GAS7: variants seen among roughly 807,000 people sequenced by gnomAD.
The protein encoded by GAS7 is growth arrest specific 7, also known as growth arrest-specific protein 7.
GAS7 carries 28 observed loss-of-function variants against 71.1 expected under a neutral mutation model. That is an observed-to-expected ratio of 0.39 (90% CI 0.29 to 0.54). The LOEUF is 0.54. GAS7 is among the 20% of genes least tolerant of loss of function. GAS7 has a pLI of 0.62. For synonymous variants in GAS7, 258 were observed against 245.8 expected (o/e 1.05, Z -0.46); for missense variants, 436 against 627.8 (o/e 0.69, Z 3.27).
chr17:9,922,695 C>T (rs2067862234), intron 11 of GAS7, among the ~76,000 whole-genome samples: 1 of 152,018 alleles, frequency 6.6e-6, no homozygotes, highest in Non-Finnish European at 1.5e-5. Flanking sequence ...GATTAGAAAA[C>T]AACAACAAAG....
chr17:10,056,028 A>G (rs1374246252), intron 1 of GAS7, among the ~76,000 whole-genome samples: 1 of 152,162 alleles, frequency 6.6e-6, no homozygotes, highest in Non-Finnish European at 1.5e-5. Flanking sequence ...TGCAGACTGT[A>G]TATCATTCAC....
At chr17:9,927,491 AC>A (rs930055669) in intron 9 of GAS7, among the ~76,000 whole-genome samples, 5 of 151,534 alleles carry the variant, frequency 3.3e-5, no homozygotes, top group South Asian at 2.1e-4. Flanking sequence ...AAAAAAAAAA[AC>A]AAAACAAACA....
rs559985999 is a variant in GAS7, at chr17:10,189,499, G to A, written c.183+8709C>T. 1.9e-4 allele frequency among the ~76,000 whole-genome samples: 28 copies of A among 149,736 alleles called. 1 individual carries two copies. Among genetic ancestry groups the A allele is most frequent in the African/African-American group, 6.2e-4 (25 of 40,632 alleles). On this transcript the variant is annotated intron_variant, in intron 1 of 13. Transcript: ENST00000432992. ...CTCCCCAGGTTCTATCTCCTTCCCCGGCACACCCCCAACCCCTCTCCCCCT... is the reference window on the plus strand; with the variant it reads ...CTCCCCAGGTTCTATCTCCTTCCCCAGCACACCCCCAACCCCTCTCCCCCT...
chr17:9,977,964 G>C (rs1002323394), intron 3 of GAS7, among the ~76,000 whole-genome samples: 4 of 152,206 alleles, frequency 2.6e-5, no homozygotes, highest in Non-Finnish European at 5.9e-5. Context: ...TGTAACCCCA[G>C]CACTTTGGGA....
intron 1 of GAS7, among the ~76,000 whole-genome samples, chr17:10,038,579 G>T (rs1179890969): frequency 6.6e-6 from 1 of 152,168 alleles, no homozygotes; most frequent in East Asian, 1.9e-4. Flanking sequence ...GTCCTGAAGG[G>T]AGGGTCTTGC....
At chr17:10,064,076 C>T (rs2073251958) in intron 1 of GAS7, among the ~76,000 whole-genome samples, 1 of 152,210 alleles carries the variant, frequency 6.6e-6, no homozygotes, top group Admixed American at 6.5e-5. Flanking sequence ...TTCAAAGATG[C>T]TCCGATAATG....
intron 5 of GAS7, among the ~76,000 whole-genome samples, chr17:9,952,014 G>C (rs549387408): frequency 1.3e-5 from 2 of 152,178 alleles, no homozygotes; most frequent in East Asian, 3.9e-4. Context: ...CATCCTGGCT[G>C]GCTCCAAGCC....
In GAS7 at chr17:10,071,987, T is replaced by C. The variant is rs148852820; in HGVS notation, c.184-52090A>G. Among the ~76,000 whole-genome samples the C allele has an allele frequency of 1.5e-4, 22 of 151,584 alleles. No homozygotes were observed. The East Asian group carries it at 4.3e-3, about 29-fold the overall frequency. ...AAAAAAGAAAAGATTCAGTTGTCTC[T>C]TGAAAAGTCAGGTGGACCATACTGC... On this transcript the variant is annotated intron_variant, in intron 1 of 13. Transcript: ENST00000432992.
At chr17:10,014,695 G>A (rs114279847) in intron 2 of GAS7, among the ~76,000 whole-genome samples, 3,963 of 151,996 alleles carry the variant, frequency 0.026, 171 homozygotes, top group African/African-American at 0.089. Context: ...ATTTCCACAC[G>A]AATACCTGTA....
intron 1 of GAS7, chr17:10,036,766 C>T (rs536298112): frequency 2.5e-6 from 3 of 1,188,002 alleles, no homozygotes; most frequent in Admixed American, 4.4e-5. Context: ...TTCTTTTTTT[C>T]CCACTCTCCC....
chr17:10,125,662 A>G (rs2073940089), intron 1 of GAS7, among the ~76,000 whole-genome samples: 1 of 149,842 alleles, frequency 6.7e-6, no homozygotes, highest in Admixed American at 6.7e-5. Flanking sequence ...ATGAGGAGGG[A>G]GGAGGGCAGG....
intron 1 of GAS7, among the ~76,000 whole-genome samples, chr17:10,186,249 G>T (rs1035030234): frequency 6.6e-6 from 1 of 151,862 alleles, no homozygotes; most frequent in Non-Finnish European, 1.5e-5. Context: ...GAGCTACCGC[G>T]CGTGGCCAGA....
At chr17:10,173,766 T>TC (rs1222702821) in intron 1 of GAS7, among the ~76,000 whole-genome samples, 1 of 145,210 alleles carries the variant, frequency 6.9e-6, no homozygotes, top group Non-Finnish European at 1.5e-5. Flanking sequence ...AGACTCCGTC[T>TC]CAAAAAAAAA....
intron 3 of GAS7, among the ~76,000 whole-genome samples, chr17:9,972,888 T>C (rs1044558996): frequency 1.3e-5 from 2 of 152,030 alleles, no homozygotes; most frequent in African/African-American, 4.8e-5. Context: ...AAGAAGAATA[T>C]ATCAAAACAA....
rs114449195 is a variant in GAS7 at position 10,117,382 on chromosome 17, G to T, written c.183+80826C>A. 9.6e-3 allele frequency among the ~76,000 whole-genome samples: 1,461 copies of T among 152,240 alleles called. 32 individuals carry two copies. Among genetic ancestry groups the T allele is most frequent in the African/African-American group, 0.034 (1,399 of 41,546 alleles). ...TGCAAAATCCCATCTGCCACAGAAG[G>T]TAACATATTCACAGGCTCCAGAGAT... On this transcript the variant is annotated intron_variant, in intron 1 of 13. Transcript: ENST00000432992.
At chr17:10,126,546 GCA>G (rs201631689) in intron 1 of GAS7, among the ~76,000 whole-genome samples, 1 of 151,590 alleles carries the variant, frequency 6.6e-6, no homozygotes, top group East Asian at 1.9e-4. Context: ...CACAAAGAGC[GCA>G]CACACGCAGA....
chr17:10,148,066 G>A (rs893092594), intron 1 of GAS7, among the ~76,000 whole-genome samples: 5 of 152,170 alleles, frequency 3.3e-5, no homozygotes, highest in African/African-American at 1.2e-4. Context: ...TCATGTGAGA[G>A]CACCTGAAAA....
chr17:9,989,331 A>G (rs1049575089), intron 2 of GAS7, among the ~76,000 whole-genome samples: 1 of 152,146 alleles, frequency 6.6e-6, no homozygotes, highest in Non-Finnish European at 1.5e-5. Flanking sequence ...CCTCAATATG[A>G]ATATTATTAT....
At chr17:10,083,860 T>C (rs1265794999) in intron 1 of GAS7, among the ~76,000 whole-genome samples, 1 of 151,828 alleles carries the variant, frequency 6.6e-6, no homozygotes, top group Non-Finnish European at 1.5e-5. Context: ...TAGGAAAGGG[T>C]AGGTATACAT....
Sources: gnomAD v4.1 joint callset for allele counts (sites outside exome capture counted in the v4.1 genomes callset) on GRCh38, gnomAD v4.1.1 for gene constraint, MANE v1.5 for transcripts, NCBI Gene and HGNC (gene_info 2026-07-23, HGNC 2026-07-21) for gene names.